ZNF275: variants seen among roughly 807,000 people sequenced by gnomAD.
The protein encoded by ZNF275 is zinc finger protein 275.
ZNF275 carries 4 observed loss-of-function variants against 4.3 expected under a neutral mutation model. The ratio of observed to expected loss-of-function variants is 0.93; its 90% CI spans 0.46 to 2.13. The LOEUF (loss-of-function observed/expected upper bound fraction) is 2.13. Ranked by LOEUF, ZNF275 falls within the 30% of genes most tolerant of loss-of-function variation. ZNF275 has a pLI of 0.02. For synonymous variants in ZNF275, 173 were observed against 166.9 expected (o/e 1.04, Z -0.28); for missense variants, 352 against 397.1 (o/e 0.89, Z 0.97).
intron 2 of ZNF275, among the ~76,000 whole-genome samples, chrX:153,338,340 G>A (rs781924162): frequency 9.0e-6 from 1 of 110,819 alleles, no homozygotes; most frequent in Admixed American, 9.6e-5. Flanking sequence ...TGGAAGCAGG[G>A]CCCACTTCTT....
chrX:153,349,176 C>G lies in ZNF275; in HGVS notation c.*1201C>G, dbSNP rs1279390797. 1.6e-5 allele frequency: 2 copies of G among 123,936 alleles called. No individual in the cohort carries two copies. Among genetic ancestry groups the G allele is most frequent in the Non-Finnish European group, 3.7e-5 (2 of 53,355 alleles). The allele number at this position is 123,936 out of a possible 1,213,427, so 10.2% of individuals were successfully genotyped here. ...GCCTTCCGTTTCTTGTTCTATAAAA[C>G]AGGGGTGATCACAGCACCTACCTCC... On this transcript the variant is annotated 3_prime_UTR_variant, in exon 4 of 4. Coordinates refer to ENST00000650114, the MANE Select transcript of ZNF275 (RefSeq NM_001367757.1).
intron 2 of ZNF275, among the ~76,000 whole-genome samples, chrX:153,341,123 C>T (rs2088478019): frequency 8.9e-6 from 1 of 112,353 alleles, no homozygotes; most frequent in Non-Finnish European, 1.9e-5. Flanking sequence ...TTTAAAGTTT[C>T]TTGTAGACAG....
At position 153,347,574 on chromosome X, in the gene ZNF275, C is replaced by T. The variant is rs781915076; in HGVS notation, c.889C>T (p.His297Tyr). Residue 297 changes from histidine to tyrosine, a missense_variant, in exon 4 of 4, where the codon CAC becomes TAC. Coordinates refer to ENST00000650114, the MANE Select transcript of ZNF275 (RefSeq NM_001367757.1). ...HSGAKPYGCPHCGKLFRRSSE... is the reference protein window; with the variant it reads ...HSGAKPYGCPYCGKLFRRSSE... ...TGGGGCCAAGCCATACGGGTGTCCC[C>T]ACTGCGGCAAGCTCTTCCGAAGGAG... is the stretch of plus-strand genomic sequence containing the variant. The T allele has an allele frequency of 4.2e-6, 5 of 1,191,118 alleles. No homozygotes were observed. The South Asian group carries it at 9.4e-5, about 22-fold the overall frequency.
At position 153,345,593 on chromosome X, in the gene ZNF275, G is replaced by A. The variant is rs868975531; in HGVS notation, c.105G>A (p.Ser35=). 2 of 1,207,999 alleles carry A rather than the reference G, an allele frequency of 1.7e-6. No individual in the cohort carries two copies. The highest frequency in any genetic ancestry group is 2.2e-6 in the Non-Finnish European group (2 of 893,186). The change falls in exon 3 of 4, where the codon TCG becomes TCA. Residue 35 remains serine, a synonymous_variant. Coordinates refer to ENST00000650114, the MANE Select transcript of ZNF275 (RefSeq NM_001367757.1). ...QGQVLLVSDP[S]PNTDPAKYSE... is the part of the protein sequence containing the mutation. ...AAGTGCTACTGGTGTCAGACCCATC[G>A]CCCAACACTGATCCTGCTAAGTACT... is the stretch of plus-strand genomic sequence containing the variant.
Position 153,352,842 on chromosome X carries a change from G to A in ZNF275, c.*4867G>A, listed in dbSNP as rs936314503. The A allele has an allele frequency of 4.5e-5, 5 of 111,236 alleles. No homozygotes were observed. The highest frequency in any genetic ancestry group is 1.9e-4 in the Admixed American group (2 of 10,541). 9.2% of individuals were successfully genotyped at this position (111,236 alleles called of 1,213,427 possible). On this transcript the variant is annotated 3_prime_UTR_variant, in exon 4 of 4. Coordinates refer to ENST00000650114, the MANE Select transcript of ZNF275 (RefSeq NM_001367757.1). ...AAATTGTGAGCTCTTAGAAGACAGG[G>A]GTGGCCTTTCATGTCTGATCCCCTA...
intron 1 of ZNF275, among the ~76,000 whole-genome samples, chrX:153,334,871 T>TGGGGGGGGGGGGG (rs34010706): frequency 7.3e-5 from 4 of 55,095 alleles, no homozygotes; most frequent in East Asian, 5.0e-4. Context: ...TGGGTGGGAG[T>TGGGGGGGGGGGGG]GGGGGGGGGC....
At chrX:153,344,396 G>A (rs1229759679) in intron 2 of ZNF275, 1 of 256,821 alleles carries the variant, frequency 3.9e-6, no homozygotes, top group Non-Finnish European at 7.3e-6. Context: ...TGGGCTTGGA[G>A]TTCCAATCAT....
At chrX:153,346,271 T>C (rs1160557122) in intron 3 of ZNF275, among the ~76,000 whole-genome samples, 1 of 105,978 alleles carries the variant, frequency 9.4e-6, no homozygotes, top group Non-Finnish European at 1.9e-5. Context: ...TTTGGGGTTC[T>C]AGTTAGTGTT....
At chrX:153,336,377 G>C (rs2088446088) in intron 1 of ZNF275, among the ~76,000 whole-genome samples, 1 of 112,904 alleles carries the variant, frequency 8.9e-6, no homozygotes, top group South Asian at 3.6e-4. Flanking sequence ...GACGGGATGG[G>C]CCCACGTGGG....
chrX:153,341,829 C>T (rs1346583736), intron 2 of ZNF275, among the ~76,000 whole-genome samples: 5 of 112,365 alleles, frequency 4.4e-5, no homozygotes, highest in South Asian at 3.7e-4. Context: ...CTCCTCTCCA[C>T]GCAGCAACAT....
intron 2 of ZNF275, among the ~76,000 whole-genome samples, chrX:153,340,733 C>T (rs781831840): frequency 7.0e-4 from 78 of 112,210 alleles, no homozygotes; most frequent in Non-Finnish European, 1.2e-3. Flanking sequence ...ACAAGTCACT[C>T]TCACTTTTTT....
rs782595812 is a variant in ZNF275 at position 153,352,423 on chromosome X, C to T, written c.*4448C>T. 1.8e-5 allele frequency: 2 copies of T among 111,890 alleles called. No homozygotes were observed. Among genetic ancestry groups the T allele is most frequent in the South Asian group, 3.8e-4 (1 of 2,651 alleles). The allele number at this position is 111,890 out of a possible 1,213,427, so 9.2% of individuals were successfully genotyped here. On this transcript the variant is annotated 3_prime_UTR_variant, in exon 4 of 4. Transcript: ENST00000650114. The stretch of plus-strand genomic sequence containing the variant: ...GTTCCTTTACTGAACCCACCACATG[C>T]GGGCCATAAAATGAGTGAAATCACA...
Position 153,347,016 on chromosome X carries a change from C to T in ZNF275, c.331C>T (p.Arg111Trp). The T allele has an allele frequency of 1.7e-6, 2 of 1,211,202 alleles. No individual in the cohort carries two copies. The highest frequency in any genetic ancestry group is 2.2e-6 in the Non-Finnish European group (2 of 895,321). The change falls in exon 4 of 4, where the codon CGG becomes TGG. Residue 111 changes from arginine (R) to tryptophan (W), a missense_variant. Physicochemically the swap from Arg to Trp is moderately radical, Grantham distance 101. Coordinates refer to ENST00000650114, the MANE Select transcript of ZNF275 (RefSeq NM_001367757.1). ...TTGTAAAGAGTGTGGGGACACCTTTCGGCTTAAAGTCCTGCTTGTCCAGCA... is the reference window on the plus strand; with the variant it reads ...TTGTAAAGAGTGTGGGGACACCTTTTGGCTTAAAGTCCTGCTTGTCCAGCA... ...FACKECGDTF[R>W]LKVLLVQHQR... is the part of the protein sequence containing the mutation.
Position 153,340,896 on chromosome X carries a change from C to T in ZNF275, c.31+4186C>T, listed in dbSNP as rs899924504. ...TTGTCATCTGCAGCACATCATCCTA[C>T]GTTGGCACCTGTTGGTTTTATATTG... On this transcript the variant is annotated intron_variant, in intron 2 of 3. Coordinates refer to ENST00000650114, the MANE Select transcript of ZNF275 (RefSeq NM_001367757.1). Among the ~76,000 whole-genome samples, 9 of 112,321 alleles carry T rather than the reference C, an allele frequency of 8.0e-5. No homozygotes were observed. In the East Asian group the frequency reaches 1.7e-3, roughly 21 times the overall value.
chrX:153,336,038 G>T (rs189005913), intron 1 of ZNF275, among the ~76,000 whole-genome samples: 1 of 112,228 alleles, frequency 8.9e-6, no homozygotes, highest in East Asian at 2.8e-4. Flanking sequence ...AATTTATTTC[G>T]ATTTTTAGTA....
intron 2 of ZNF275, among the ~76,000 whole-genome samples, chrX:153,339,896 G>C (rs1424876732): frequency 9.0e-6 from 1 of 111,536 alleles, no homozygotes. Context: ...TAAGTTCTTA[G>C]GTCTCTGGCC....
rs899812729 is a variant in ZNF275, at chrX:153,349,629, C to T, written c.*1654C>T. 8.1e-5 allele frequency: 10 copies of T among 123,619 alleles called. No individual in the cohort carries two copies. Among genetic ancestry groups the T allele is most frequent in the Non-Finnish European group, 3.7e-5 (2 of 53,371 alleles). 10.2% of individuals were successfully genotyped at this position (123,619 alleles called of 1,213,427 possible). On this transcript the variant is annotated 3_prime_UTR_variant, in exon 4 of 4. Coordinates refer to ENST00000650114, the MANE Select transcript of ZNF275 (RefSeq NM_001367757.1). ...TATCCAAGCATTCATTTTTTGTCCACTCAGTCATAACTTTCATTGCTTCTG... is the reference window on the plus strand; with the variant it reads ...TATCCAAGCATTCATTTTTTGTCCATTCAGTCATAACTTTCATTGCTTCTG...
At chrX:153,344,067 C>G in intron 2 of ZNF275, 1 of 321,852 alleles carries the variant, frequency 3.1e-6, no homozygotes, top group Admixed American at 3.2e-5. Flanking sequence ...AGTCTCTTCC[C>G]AGGGGATCCA....
At chrX:153,336,129 C>T (rs1299080271) in intron 1 of ZNF275, among the ~76,000 whole-genome samples, 1 of 112,828 alleles carries the variant, frequency 8.9e-6, no homozygotes, top group Non-Finnish European at 1.9e-5. Flanking sequence ...AAATCCCCTT[C>T]TGGTCTACCT....
Sources: gnomAD v4.1 joint callset for allele counts (sites outside exome capture counted in the v4.1 genomes callset) on GRCh38, gnomAD v4.1.1 for gene constraint, MANE v1.5 for transcripts, NCBI Gene and HGNC (gene_info 2026-07-23, HGNC 2026-07-21) for gene names.